RBM33: variants seen among roughly 807,000 people sequenced by gnomAD.
RBM33 encodes the protein RNA binding motif protein 33.
Under a neutral mutation model 132.6 loss-of-function variants are expected in RBM33, and 28 were observed. That is an observed-to-expected ratio of 0.21 (90% CI 0.16 to 0.29). RBM33 has a LOEUF of 0.29. Among genes scored for constraint, RBM33 ranks in the 10% least tolerant of loss-of-function variants. The pLI is 1.00. For synonymous variants in RBM33, 634 were observed against 593.0 expected (o/e 1.07, Z -1.01); for missense variants, 1,291 against 1,518.5 (o/e 0.85, Z 2.49).
At chr7:155,667,643 C>A (rs1176440713) in intron 2 of RBM33, among the ~76,000 whole-genome samples, 1 of 152,056 alleles carries the variant, frequency 6.6e-6, no homozygotes, top group East Asian at 1.9e-4. Flanking sequence ...TAAATGCGGG[C>A]TGTGCATTGT....
chr7:155,699,917 T>TA (rs759773109), intron 5 of RBM33, among the ~76,000 whole-genome samples: 8 of 152,184 alleles, frequency 5.3e-5, no homozygotes, highest in African/African-American at 7.2e-5. Flanking sequence ...CTTACATTGA[T>TA]AAAAAGTATC....
chr7:155,684,973 T>C (rs1799433668), intron 5 of RBM33: 1 of 1,550,516 alleles, frequency 6.4e-7, no homozygotes. Flanking sequence ...CAACAAGGGC[T>C]GCAAGAGCAG....
intron 13 of RBM33, among the ~76,000 whole-genome samples, chr7:155,743,533 G>A (rs1044848256): frequency 9.2e-5 from 14 of 152,210 alleles, no homozygotes; most frequent in Non-Finnish European, 1.8e-4. Context: ...TAAATGGAAT[G>A]TCTTGATTTA....
At chr7:155,672,744 CAAAAAAA>C (rs559042068) in intron 2 of RBM33, 116 bp from the exon 3 acceptor site, 1,374 of 349,800 alleles carry the variant, frequency 3.9e-3, no homozygotes, top group South Asian at 7.4e-3. Context: ...GGCTTTGTCT[CAAAAAAA>C]AAAAAAAAAA....
rs1294598718 is a variant in RBM33 at position 155,766,662 on chromosome 7, G to T, written c.3375+7G>T. ...GTCAGTGGGACCCATTCAGGTAGCCGCCTGGGGGTGGCATCTGTGCCACGG... is the reference window on the plus strand; with the variant it reads ...GTCAGTGGGACCCATTCAGGTAGCCTCCTGGGGGTGGCATCTGTGCCACGG... On this transcript the variant is annotated splice_region_variant and intron_variant, in intron 16 of 17. Coordinates refer to ENST00000401878, the MANE Select transcript of RBM33 (RefSeq NM_053043.3). 1.9e-6 allele frequency: 3 copies of T among 1,605,468 alleles called. No homozygotes were observed. The highest frequency in any genetic ancestry group is 2.7e-5 in the African/African-American group (2 of 74,768).
Position 155,745,812 on chromosome 7 carries a change from T to C in RBM33, c.2979+210T>C. On this transcript the variant is annotated intron_variant, in intron 14 of 17. Coordinates refer to ENST00000401878, the MANE Select transcript of RBM33 (RefSeq NM_053043.3). This position sits in a 1 kb window ranked among gnomAD's most constrained non-coding sequence, Gnocchi z 4.1. Reference sequence around the variant, plus strand: ...ATGTGTTGTTAGGCGATTTTGTCATTGTCTGAACGTGCTAGAATGTACTTC... The same window carrying C: ...ATGTGTTGTTAGGCGATTTTGTCATCGTCTGAACGTGCTAGAATGTACTTC... 1 of 581,162 alleles carries C rather than the reference T, an allele frequency of 1.7e-6. No homozygotes were observed. The highest frequency in any genetic ancestry group is 2.9e-5 in the East Asian group (1 of 34,212). The allele number at this position is 581,162 out of a possible 1,614,324, so 36.0% of individuals were successfully genotyped here. A position where few individuals can be genotyped will look rare whatever the true frequency, so the allele number is the denominator to read the frequency against.
At position 155,645,253 on chromosome 7, in the gene RBM33, C is replaced by A. The variant is rs146092976; in HGVS notation, c.43+334C>A. The A allele has an allele frequency of 5.6e-4, 150 of 269,578 alleles. No individual in the cohort carries two copies. In the East Asian group the frequency reaches 9.9e-3, roughly 18 times the overall value. 16.7% of individuals were successfully genotyped at this position (269,578 alleles called of 1,614,324 possible). ...TCCTATGGGTAGGAGAGCGCCCCCCCCACCCCCCGAGACAGTGTCACTTAG... is the reference window on the plus strand; with the variant it reads ...TCCTATGGGTAGGAGAGCGCCCCCCACACCCCCCGAGACAGTGTCACTTAG... On this transcript the variant is annotated intron_variant, in intron 1 of 17. Transcript: ENST00000401878.
intron 13 of RBM33, among the ~76,000 whole-genome samples, chr7:155,743,194 CA>C (rs1801406372): frequency 6.6e-6 from 1 of 152,068 alleles, no homozygotes; most frequent in South Asian, 2.1e-4. Context: ...GTTTTAAAAT[CA>C]ATATGTGAAA....
chr7:155,704,452 C>T (rs1020608874), intron 6 of RBM33, among the ~76,000 whole-genome samples: 2 of 152,098 alleles, frequency 1.3e-5, no homozygotes, highest in Non-Finnish European at 2.9e-5. Flanking sequence ...TCAGTTGAGC[C>T]GGGCTACAGA....
In RBM33 at chr7:155,780,791, C is replaced by CCTCTCCATCAG. The variant is rs1802797802; in HGVS notation, c.*5755_*5756insCATCAGCTCTC. 6.6e-6 allele frequency: 1 copy of CCTCTCCATCAG among 152,192 alleles called. No individual in the cohort carries two copies. The highest frequency in any genetic ancestry group is 2.4e-5 in the African/African-American group (1 of 41,406). The allele number at this position is 152,192 out of a possible 1,614,324, so 9.4% of individuals were successfully genotyped here. On this transcript the variant is annotated 3_prime_UTR_variant, in exon 18 of 18. Coordinates refer to ENST00000401878, the MANE Select transcript of RBM33 (RefSeq NM_053043.3). ...TCACACTGTGTTTACCACTCCATCA[C>CCTCTCCATCAG]CTCTCAACCTTTGCTTCGACAGGTC... is the stretch of plus-strand genomic sequence containing the variant.
intron 3 of RBM33, among the ~76,000 whole-genome samples, chr7:155,673,949 T>G (rs1234964226): frequency 0.022 from 2,372 of 106,476 alleles, 540 homozygotes; most frequent in East Asian, 0.05. Context: ...AGTTTTTTTT[T>G]TTTTTTTTTT....
chr7:155,744,550 C>T (rs1801452427), intron 13 of RBM33, among the ~76,000 whole-genome samples: 1 of 152,210 alleles, frequency 6.6e-6, no homozygotes, highest in Non-Finnish European at 1.5e-5. Context: ...TAGTTCTAAT[C>T]AGAGCCTTTC....
Position 155,745,410 on chromosome 7 carries a change from A to T in RBM33, c.2787A>T (p.Lys929Asn). ...VPQSQTQPLHKVLPIKPADVE... is the reference protein window; with the variant it reads ...VPQSQTQPLHNVLPIKPADVE... Reference sequence around the variant, plus strand: ...AAAGTCAGACTCAGCCGCTGCATAAAGTGCTCCCGATCAAACCTGCAGATG... The same window carrying T: ...AAAGTCAGACTCAGCCGCTGCATAATGTGCTCCCGATCAAACCTGCAGATG... Residue 929 changes from lysine (K) to asparagine (N), a missense_variant, in exon 14 of 18, where the codon AAA becomes AAT. By Grantham distance (94) the Lys-to-Asn change is moderately conservative. Coordinates refer to ENST00000401878, the MANE Select transcript of RBM33 (RefSeq NM_053043.3). The surrounding 1 kb of genome is among the most constrained non-coding windows in gnomAD (Gnocchi z 4.1). 6.2e-7 allele frequency: 1 copy of T among 1,613,790 alleles called. No homozygotes were observed. Among genetic ancestry groups the T allele is most frequent in the Non-Finnish European group, 8.5e-7 (1 of 1,179,822 alleles).
chr7:155,665,655 T>C (rs186481517), intron 2 of RBM33, among the ~76,000 whole-genome samples: 1 of 152,316 alleles, frequency 6.6e-6, no homozygotes, highest in African/African-American at 2.4e-5. Flanking sequence ...TCACTAATTT[T>C]AACTTTCATT....
chr7:155,775,191 G>A lies in RBM33; in HGVS notation c.*150G>A, dbSNP rs1802565896. 2.7e-6 allele frequency: 2 copies of A among 752,000 alleles called. No homozygotes were observed. The highest frequency in any genetic ancestry group is 2.0e-5 in the Admixed American group (1 of 50,250). 46.6% of individuals were successfully genotyped at this position (752,000 alleles called of 1,614,324 possible). A position where few individuals can be genotyped will look rare whatever the true frequency, so the allele number is the denominator to read the frequency against. Reference sequence around the variant, plus strand: ...TCTCCAGAGCGCCAGCCAGCCACGGGCCTGATTCCAGAGGAGCCGAACTGA... The same window carrying A: ...TCTCCAGAGCGCCAGCCAGCCACGGACCTGATTCCAGAGGAGCCGAACTGA... On this transcript the variant is annotated 3_prime_UTR_variant, in exon 18 of 18. Coordinates refer to ENST00000401878, the MANE Select transcript of RBM33 (RefSeq NM_053043.3).
At chr7:155,742,511 AACTTT>A (rs1435477358) in intron 13 of RBM33, among the ~76,000 whole-genome samples, 5 of 152,188 alleles carry the variant, frequency 3.3e-5, no homozygotes, top group African/African-American at 1.2e-4. Flanking sequence ...GTTCCGGTAA[AACTTT>A]ACTTTATAAA....
At chr7:155,744,873 T>C (rs983909039) in intron 13 of RBM33, 88 bp from the exon 14 acceptor site, 10 of 1,256,986 alleles carry the variant, frequency 8.0e-6, no homozygotes, top group South Asian at 3.2e-5. Context: ...AAAGGACTTG[T>C]GGTAAATGTG....
At chr7:155,704,122 C>G (rs1285327549) in intron 6 of RBM33, among the ~76,000 whole-genome samples, 1 of 152,114 alleles carries the variant, frequency 6.6e-6, no homozygotes, top group Admixed American at 6.5e-5. Flanking sequence ...TTTTCACATT[C>G]ACATCTCTGT....
chr7:155,673,768 G>GCGCACACACA (rs1554469952), intron 3 of RBM33, among the ~76,000 whole-genome samples: 8,190 of 132,906 alleles, frequency 0.062, 533 homozygotes, highest in Middle Eastern at 0.11. Context: ...GCGCATGCGC[G>GCGCACACACA]CACACACACA....
Sources: gnomAD v4.1 joint callset for allele counts (sites outside exome capture counted in the v4.1 genomes callset) on GRCh38, gnomAD v4.1.1 for gene constraint, Gnocchi (gnomAD v3.1) non-coding constraint, MANE v1.5 for transcripts, NCBI Gene and HGNC (gene_info 2026-07-23, HGNC 2026-07-21) for gene names.